Variants in ZNF804B observed in about 807,000 individuals in gnomAD.
ZNF804B encodes zinc finger 804B.
A neutral mutation model predicts 101.4 loss-of-function variants in ZNF804B; 80 were observed. The ratio of observed to expected loss-of-function variants is 0.79; its 90% CI spans 0.66 to 0.95. The LOEUF is 0.95. Ranked by LOEUF, ZNF804B falls within the 40% of genes least tolerant of loss-of-function variation. The pLI, the probability that ZNF804B is intolerant of heterozygous loss-of-function variation, is 0.00. For synonymous variants in ZNF804B, 622 were observed against 558.8 expected (o/e 1.11, Z -1.59); for missense variants, 1,673 against 1,561.9 (o/e 1.07, Z -1.20).
intron 2 of ZNF804B, among the ~76,000 whole-genome samples, chr7:89,275,160 A>G (rs1335155432): frequency 1.3e-5 from 2 of 151,978 alleles, no homozygotes; most frequent in Non-Finnish European, 2.9e-5. Context: ...ATTCCAAGGA[A>G]GTGGAAAGTT....
intron 1 of ZNF804B, among the ~76,000 whole-genome samples, chr7:89,161,983 G>A (rs717474): frequency 0.41 from 62,085 of 151,944 alleles, 13,253 homozygotes; most frequent in Non-Finnish European, 0.47. Flanking sequence ...TAATGAATGA[G>A]TAATGTGATG....
intron 1 of ZNF804B, among the ~76,000 whole-genome samples, chr7:88,877,005 AAAATATAT>A (rs1294103574): frequency 1.8e-4 from 15 of 85,062 alleles, no homozygotes; most frequent in South Asian, 3.4e-4. Flanking sequence ...TTTGAAAAAA[AAAATATAT>A]ATATATATAT....
chr7:89,270,913 T>C (rs1314898730), intron 2 of ZNF804B, among the ~76,000 whole-genome samples: 3 of 152,194 alleles, frequency 2.0e-5, no homozygotes, highest in Non-Finnish European at 2.9e-5. Flanking sequence ...TGTACATTGA[T>C]TTTGTATCCT....
intron 1 of ZNF804B, among the ~76,000 whole-genome samples, chr7:89,139,051 G>C (rs117873664): frequency 1.9e-4 from 29 of 152,016 alleles, no homozygotes; most frequent in Non-Finnish European, 3.1e-4. Context: ...ATACCTCAGA[G>C]ATATTGCAGG....
intron 1 of ZNF804B, among the ~76,000 whole-genome samples, chr7:89,071,798 A>ACACACG (rs1296415410): frequency 2.0e-5 from 3 of 151,962 alleles, no homozygotes; most frequent in Admixed American, 2.0e-4. Context: ...ACACACACAC[A>ACACACG]CACACATTTA....
At chr7:88,803,126 T>G (rs956366280) in intron 1 of ZNF804B, among the ~76,000 whole-genome samples, 1 of 152,124 alleles carries the variant, frequency 6.6e-6, no homozygotes, top group Non-Finnish European at 1.5e-5. Flanking sequence ...ATTTTCCAAT[T>G]TTTTCAAGTG....
At chr7:88,889,893 T>C (rs1238789558) in intron 1 of ZNF804B, among the ~76,000 whole-genome samples, 1 of 152,158 alleles carries the variant, frequency 6.6e-6, no homozygotes, top group African/African-American at 2.4e-5. Flanking sequence ...TCTTCTAGGA[T>C]TTTTATAATT....
intron 1 of ZNF804B, among the ~76,000 whole-genome samples, chr7:88,908,778 A>G (rs925633704): frequency 1.3e-5 from 2 of 151,846 alleles, no homozygotes; most frequent in Non-Finnish European, 3.0e-5. Context: ...GCATAATGTC[A>G]TGAGAATGCC....
At chr7:89,247,106 A>G (rs191881260) in intron 2 of ZNF804B, among the ~76,000 whole-genome samples, 5 of 152,322 alleles carry the variant, frequency 3.3e-5, no homozygotes, top group Non-Finnish European at 5.9e-5. Context: ...ACCTGTGCAG[A>G]GAACTCAGGG....
chr7:89,115,242 C>T (rs1296742396), intron 1 of ZNF804B, among the ~76,000 whole-genome samples: 1 of 152,222 alleles, frequency 6.6e-6, no homozygotes, highest in Non-Finnish European at 1.5e-5. Flanking sequence ...CTCTGTCATC[C>T]ACTCAACAGT....
intron 1 of ZNF804B, among the ~76,000 whole-genome samples, chr7:89,054,820 C>A (rs1174333427): frequency 1.3e-5 from 2 of 151,978 alleles, no homozygotes; most frequent in African/African-American, 2.4e-5. Flanking sequence ...GGACCTCATA[C>A]TTTTTCCCCT....
At chr7:89,092,602 A>G (rs1322916152) in intron 1 of ZNF804B, among the ~76,000 whole-genome samples, 1 of 151,616 alleles carries the variant, frequency 6.6e-6, no homozygotes, top group Admixed American at 6.6e-5. Context: ...TAGCAGAGAC[A>G]GTGTTTCACC....
chr7:89,219,836 A>ATATATATGTATATATATG (rs1295742734), intron 2 of ZNF804B, among the ~76,000 whole-genome samples: 1 of 114,908 alleles, frequency 8.7e-6, no homozygotes, highest in Non-Finnish European at 1.9e-5. Flanking sequence ...TGTATACTAA[A>ATATATATGTATATATATG]TATATATGTA....
At chr7:88,952,959 TG>T (rs1793247280) in intron 1 of ZNF804B, among the ~76,000 whole-genome samples, 1 of 151,730 alleles carries the variant, frequency 6.6e-6, no homozygotes, top group South Asian at 2.1e-4. Context: ...GTACAGGCAG[TG>T]GGAGGAATCC....
intron 2 of ZNF804B, among the ~76,000 whole-genome samples, chr7:89,284,084 C>T: frequency 6.6e-6 from 1 of 152,146 alleles, no homozygotes; most frequent in Non-Finnish European, 1.5e-5. Context: ...TAGCCCCATT[C>T]ACAGTTGAGG....
At chr7:88,855,995 T>C (rs1791550958) in intron 1 of ZNF804B, among the ~76,000 whole-genome samples, 1 of 152,224 alleles carries the variant, frequency 6.6e-6, no homozygotes, top group Admixed American at 6.5e-5. Context: ...CCATGCTGTT[T>C]TGGTTACTGT....
intron 1 of ZNF804B, among the ~76,000 whole-genome samples, chr7:88,768,546 A>G (rs1397781137): frequency 2.0e-5 from 3 of 152,130 alleles, no homozygotes; most frequent in Admixed American, 1.3e-4. Flanking sequence ...GGCAAAACCC[A>G]TCTCTACTAA....
At chr7:88,937,115 C>CAA (rs3034325) in intron 1 of ZNF804B, among the ~76,000 whole-genome samples, 5,990 of 110,842 alleles carry the variant, frequency 0.054, 212 homozygotes, top group East Asian at 0.13. Flanking sequence ...ATGAGAATAG[C>CAA]AAAAAAAAAA....
intron 1 of ZNF804B, among the ~76,000 whole-genome samples, chr7:88,845,289 G>A (rs1161079594): frequency 9.5e-5 from 11 of 115,932 alleles, no homozygotes; most frequent in Admixed American, 5.5e-4. Flanking sequence ...GCACGCGCGC[G>A]CGCACGCGCG....
Sources: gnomAD v4.1 joint callset for allele counts (sites outside exome capture counted in the v4.1 genomes callset) on GRCh38, gnomAD v4.1.1 for gene constraint, MANE v1.5 for transcripts, NCBI Gene and HGNC (gene_info 2026-07-23, HGNC 2026-07-21) for gene names.